Variants in PDE4B observed in about 807,000 individuals in gnomAD.
The protein encoded by PDE4B is 3',5'-cyclic-AMP phosphodiesterase 4B.
A neutral mutation model predicts 82.2 loss-of-function variants in PDE4B; 20 were observed. The ratio of observed to expected loss-of-function variants is 0.24; its 90% CI spans 0.17 to 0.35. The LOEUF (loss-of-function observed/expected upper bound fraction) is 0.35. PDE4B is among the 10% of genes least tolerant of loss of function. The pLI, the probability that PDE4B is intolerant of heterozygous loss-of-function variation, is 1.00. For synonymous variants in PDE4B, 320 were observed against 318.9 expected (o/e 1.00, Z -0.04); for missense variants, 655 against 907.2 (o/e 0.72, Z 3.57).
intron 3 of PDE4B, among the ~76,000 whole-genome samples, chr1:65,930,649 G>A (rs779398319): frequency 6.6e-6 from 1 of 152,220 alleles, no homozygotes; most frequent in Non-Finnish European, 1.5e-5. Context: ...CATAGGGCCT[G>A]TAGCCCTGTT....
chr1:65,953,347 A>C (rs978871513), intron 3 of PDE4B, among the ~76,000 whole-genome samples: 1 of 152,124 alleles, frequency 6.6e-6, no homozygotes, highest in East Asian at 1.9e-4. Context: ...ACTATGTTAC[A>C]TTATGAGATA....
intron 3 of PDE4B, among the ~76,000 whole-genome samples, chr1:66,132,087 T>C (rs892972113): frequency 1.3e-5 from 2 of 152,164 alleles, no homozygotes; most frequent in Admixed American, 1.3e-4. Context: ...AAAGAGAATT[T>C]GGATTTTATT....
intron 3 of PDE4B, among the ~76,000 whole-genome samples, chr1:65,972,180 C>T (rs1001455716): frequency 5.9e-5 from 9 of 152,104 alleles, no homozygotes; most frequent in East Asian, 5.8e-4. Context: ...CTTGCACTTT[C>T]GCATAGAAGT....
chr1:65,943,146 T>C (rs538102192), intron 3 of PDE4B, among the ~76,000 whole-genome samples: 60 of 152,128 alleles, frequency 3.9e-4, no homozygotes, highest in Admixed American at 1.0e-3. Flanking sequence ...CATTTTCAGA[T>C]CTTACATTTA....
intron 4 of PDE4B, among the ~76,000 whole-genome samples, chr1:66,254,583 C>T (rs946073239): frequency 5.3e-5 from 8 of 152,132 alleles, no homozygotes; most frequent in Non-Finnish European, 1.2e-4. Flanking sequence ...ATGTCTCCAC[C>T]CGGATACAAA....
intron 7 of PDE4B, among the ~76,000 whole-genome samples, chr1:66,322,962 T>G (rs1191110931): frequency 6.6e-6 from 1 of 152,134 alleles, no homozygotes; most frequent in Non-Finnish European, 1.5e-5. Context: ...CTCGTGTATG[T>G]CTTCCTGTAG....
intron 1 of PDE4B, among the ~76,000 whole-genome samples, chr1:65,905,377 A>G (rs1457916213): frequency 2.6e-5 from 4 of 152,108 alleles, no homozygotes; most frequent in Non-Finnish European, 4.4e-5. Context: ...GATACACTCT[A>G]CATCCAGTCG....
chr1:65,883,953 T>C (rs1646740121), intron 1 of PDE4B, among the ~76,000 whole-genome samples: 1 of 152,194 alleles, frequency 6.6e-6, no homozygotes, highest in Non-Finnish European at 1.5e-5. Context: ...ATATGCTGGA[T>C]TACATTTATT....
At chr1:66,176,986 A>G (rs560680859) in intron 3 of PDE4B, among the ~76,000 whole-genome samples, 1 of 152,332 alleles carries the variant, frequency 6.6e-6, no homozygotes, top group East Asian at 1.9e-4. Context: ...AGGGACAGAT[A>G]TCTGCCAATA....
chr1:65,909,751 A>G (rs1647066093), intron 1 of PDE4B, among the ~76,000 whole-genome samples: 5 of 152,166 alleles, frequency 3.3e-5, no homozygotes, highest in African/African-American at 1.2e-4. Context: ...AGGGACAGTA[A>G]TCTCAGATTA....
chr1:66,142,646 C>T (rs1433337184), intron 3 of PDE4B, among the ~76,000 whole-genome samples: 5 of 152,026 alleles, frequency 3.3e-5, no homozygotes, highest in East Asian at 1.9e-4. Flanking sequence ...AATCCAGAAA[C>T]GAACAGGAAA....
At chr1:66,193,681 T>C (rs1238877793) in intron 3 of PDE4B, among the ~76,000 whole-genome samples, 2 of 152,322 alleles carry the variant, frequency 1.3e-5, no homozygotes, top group African/African-American at 4.8e-5. Context: ...TTTAGAAACA[T>C]TGGTCAAGGT....
intron 3 of PDE4B, among the ~76,000 whole-genome samples, chr1:66,045,949 A>T (rs1369093113): frequency 6.6e-6 from 1 of 151,790 alleles, no homozygotes; most frequent in Non-Finnish European, 1.5e-5. Context: ...CATACCACAA[A>T]TGAGACCATG....
chr1:66,336,383 C>T (rs931172426), intron 8 of PDE4B, among the ~76,000 whole-genome samples: 20 of 152,140 alleles, frequency 1.3e-4, no homozygotes, highest in Non-Finnish European at 1.3e-4. Context: ...TAGTCTTTCA[C>T]CTAGAATTTT....
At chr1:65,991,972 C>T (rs200672196) in intron 3 of PDE4B, among the ~76,000 whole-genome samples, 1 of 152,230 alleles carries the variant, frequency 6.6e-6, no homozygotes, top group African/African-American at 2.4e-5. Context: ...AGAGTGGCTG[C>T]TGTTGGCAAC....
At chr1:66,057,563 TACAGTTCC>T (rs1295024281) in intron 3 of PDE4B, among the ~76,000 whole-genome samples, 2 of 152,148 alleles carry the variant, frequency 1.3e-5, no homozygotes, top group Admixed American at 6.6e-5. Context: ...TTATTGGACT[TACAGTTCC>T]ACATGGCTGG....
At chr1:66,288,784 G>A (rs1656865061) in intron 7 of PDE4B, among the ~76,000 whole-genome samples, 1 of 152,102 alleles carries the variant, frequency 6.6e-6, no homozygotes, top group Admixed American at 6.6e-5. Flanking sequence ...CACAGAGAAG[G>A]CATATAATCT....
chr1:65,887,345 T>TTC (rs796670163), intron 1 of PDE4B, among the ~76,000 whole-genome samples: 2 of 66,558 alleles, frequency 3.0e-5, no homozygotes, highest in African/African-American at 1.3e-4. Flanking sequence ...TTCATTTTCT[T>TTC]TCTCTCTCTC....
At position 66,252,263 on chromosome 1, in the gene PDE4B, C is replaced by T. The variant is rs1653846831; in HGVS notation, c.476+4609C>T. Among the ~76,000 whole-genome samples, 6 of 152,204 alleles carry T rather than the reference C, an allele frequency of 3.9e-5. 1 individual carries two copies. The South Asian group carries it at 6.2e-4, about 16-fold the overall frequency. Reference sequence around the variant, plus strand: ...AGTGCTTTGTAAACTGTAAATATAACATAAATATGAGTCCTCTTGATTGCA... The same window carrying T: ...AGTGCTTTGTAAACTGTAAATATAATATAAATATGAGTCCTCTTGATTGCA... On this transcript the variant is annotated intron_variant, in intron 4 of 16. Coordinates refer to ENST00000341517, the MANE Select transcript of PDE4B (RefSeq NM_002600.4).
Sources: gnomAD v4.1 joint callset for allele counts (sites outside exome capture counted in the v4.1 genomes callset) on GRCh38, gnomAD v4.1.1 for gene constraint, MANE v1.5 for transcripts, NCBI Gene and HGNC (gene_info 2026-07-23, HGNC 2026-07-21) for gene names.